NAV2: variants seen among roughly 807,000 people sequenced by gnomAD.
NAV2 encodes neuron navigator 2.
NAV2 carries 54 observed loss-of-function variants against 223.2 expected under a neutral mutation model. The observed-to-expected ratio is 0.24, with a 90% CI of 0.19 to 0.30. The LOEUF is 0.30. Among genes scored for constraint, NAV2 ranks in the 10% least tolerant of loss-of-function variants. The pLI is 1.00. For missense variants in NAV2, 2,806 were observed against 3,147.5 expected, an observed-to-expected ratio of 0.89 and a Z score of 2.60; for synonymous variants, 1,279 against 1,239.3, an observed-to-expected ratio of 1.03 and a Z score of -0.67.
chr11:19,463,899 G>A (rs889091045), intron 1 of NAV2, among the ~76,000 whole-genome samples: 12 of 152,082 alleles, frequency 7.9e-5, no homozygotes, highest in African/African-American at 2.7e-4. Flanking sequence ...CTGAAGTCAG[G>A]GGACCCTCAC....
chr11:19,493,600 C>T (rs975532893), intron 1 of NAV2, among the ~76,000 whole-genome samples: 1 of 152,146 alleles, frequency 6.6e-6, no homozygotes, highest in Non-Finnish European at 1.5e-5. Context: ...CATTTGTGAA[C>T]AGAAAGCACC....
intron 6 of NAV2, among the ~76,000 whole-genome samples, chr11:19,896,085 C>T (rs750964559): frequency 6.6e-6 from 1 of 152,118 alleles, no homozygotes; most frequent in Non-Finnish European, 1.5e-5. Context: ...TCACCGAAGC[C>T]TTCCTGTAAG....
At chr11:19,578,267 G>C (rs780930683) in intron 1 of NAV2, among the ~76,000 whole-genome samples, 4 of 152,258 alleles carry the variant, frequency 2.6e-5, no homozygotes, top group Non-Finnish European at 4.4e-5. Flanking sequence ...TGCTGCTGTA[G>C]CTGCTGTAAT....
chr11:19,571,776 G>A (rs142263633), intron 1 of NAV2, among the ~76,000 whole-genome samples: 238 of 152,120 alleles, frequency 1.6e-3, no homozygotes, highest in East Asian at 5.0e-3. Context: ...AAAAAGAAAC[G>A]TGTAGCTCAG....
At chr11:19,975,092 T>C (rs190060043) in intron 10 of NAV2, among the ~76,000 whole-genome samples, 10 of 152,338 alleles carry the variant, frequency 6.6e-5, no homozygotes, top group Non-Finnish European at 8.8e-5. Flanking sequence ...GTCTCTTGTG[T>C]GTTAGGATGT....
At chr11:19,871,591 T>C (rs528042281) in intron 4 of NAV2, among the ~76,000 whole-genome samples, 3 of 152,130 alleles carry the variant, frequency 2.0e-5, no homozygotes, top group Non-Finnish European at 4.4e-5. Flanking sequence ...CTGTGAGACT[T>C]GGCCAGATCT....
chr11:19,667,904 G>T lies in NAV2; in HGVS notation c.76-164580G>T, dbSNP rs541399722. Among the ~76,000 whole-genome samples the T allele has an allele frequency of 2.0e-5, 3 of 152,258 alleles. No homozygotes were observed. The East Asian group carries it at 5.8e-4, about 29-fold the overall frequency. On this transcript the variant is annotated intron_variant, in intron 1 of 37. Coordinates refer to the NAV2 transcript ENST00000360655. ...ACACCATTAAAGGGACTTAAAACCCGCAGTTACACATCTCAAGGTGTTTGT... is the reference window on the plus strand; with the variant it reads ...ACACCATTAAAGGGACTTAAAACCCTCAGTTACACATCTCAAGGTGTTTGT...
rs755233994 is a variant in NAV2 at position 20,044,992 on chromosome 11, C to G, written c.3224C>G (p.Ser1075Cys). ...GGAAAAACAGACGACGCAAAGGTGT[C>G]TGAGAAAGGAAGGCTTTCTCCTAAA... ...GTGKTDDAKV[S>C]EKGRLSPKAS... The change falls in exon 14 of 38, where the codon TCT (serine) becomes TGT (cysteine). Residue 1075 changes from serine to cysteine, a missense_variant. Around this residue, in one of 4 missense-constraint regions of NAV2, gnomAD observed 742 missense variants for 777.9 expected, o/e 0.95. Transcript: ENST00000349880. 1 of 1,612,416 alleles carries G rather than the reference C, an allele frequency of 6.2e-7. No individual in the cohort carries two copies. The highest frequency in any genetic ancestry group is 8.5e-7 in the Non-Finnish European group (1 of 1,179,492).
At chr11:20,068,506 A>G in intron 22 of NAV2, 108 bp downstream of exon 22, 2 of 821,908 alleles carry the variant, frequency 2.4e-6, no homozygotes, top group Non-Finnish European at 4.1e-6. Context: ...CACATTATAA[A>G]GAAAAAGACA....
chr11:19,821,007 A>G (rs2059340271), intron 1 of NAV2, among the ~76,000 whole-genome samples: 1 of 152,256 alleles, frequency 6.6e-6, no homozygotes, highest in Non-Finnish European at 1.5e-5. Flanking sequence ...TCACGCCTGT[A>G]ATCCCAGCAC....
chr11:19,737,005 G>C (rs1048842089), intron 1 of NAV2, among the ~76,000 whole-genome samples: 2 of 152,244 alleles, frequency 1.3e-5, no homozygotes, highest in Non-Finnish European at 2.9e-5. Context: ...AAGAACTGTA[G>C]TGCCAGCCAG....
chr11:19,398,740 G>C (rs4354671), intron 1 of NAV2, among the ~76,000 whole-genome samples: 57,130 of 151,988 alleles, frequency 0.38, 10,985 homozygotes, highest in East Asian at 0.53. Flanking sequence ...CCCATCATTT[G>C]GGATTAAAAA....
chr11:19,527,874 C>T (rs1005221187), intron 1 of NAV2, among the ~76,000 whole-genome samples: 2 of 151,758 alleles, frequency 1.3e-5, no homozygotes, highest in Admixed American at 1.3e-4. Flanking sequence ...CTACAGACCT[C>T]CCTGCCACTT....
At chr11:19,710,585 C>A (rs964966256), upstream of NAV2, among the ~76,000 whole-genome samples, 1 of 152,236 alleles carries the variant, frequency 6.6e-6, no homozygotes, top group African/African-American at 2.4e-5. Flanking sequence ...AGCTTTCAAA[C>A]AAGTTTCCAG....
intron 1 of NAV2, among the ~76,000 whole-genome samples, chr11:19,516,310 C>T (rs1470881598): frequency 2.0e-5 from 3 of 152,208 alleles, no homozygotes; most frequent in African/African-American, 7.2e-5. Flanking sequence ...TTGAGCCCCA[C>T]AATACCGAAT....
intron 1 of NAV2, among the ~76,000 whole-genome samples, chr11:19,486,197 GTAGCT>G (rs1454147250): frequency 2.0e-5 from 3 of 152,124 alleles, no homozygotes; most frequent in Admixed American, 6.5e-5. Context: ...TGGTAGCAGA[GTAGCT>G]GTGGGTGGAA....
chr11:19,429,821 C>T lies in NAV2; in HGVS notation c.75+78794C>T, dbSNP rs548531271. Among the ~76,000 whole-genome samples, 4 of 152,250 alleles carry T rather than the reference C, an allele frequency of 2.6e-5. No homozygotes were observed. In the South Asian group the frequency reaches 8.3e-4, roughly 32 times the overall value. ...ACCGTGCAACCAGTTTGCTGAGTGG[C>T]CTGAAGTCAGCAGGATTTCATCAGG... is the stretch of plus-strand genomic sequence containing the variant. On this transcript the variant is annotated intron_variant, in intron 1 of 37. Coordinates refer to the NAV2 transcript ENST00000360655.
chr11:19,955,326 G>A (rs973371434), intron 10 of NAV2, among the ~76,000 whole-genome samples: 3 of 151,996 alleles, frequency 2.0e-5, no homozygotes, highest in Admixed American at 2.0e-4. Context: ...GGAGGTTGAG[G>A]CTGCAGCGAG....
chr11:19,776,895 C>T (rs895762709), intron 1 of NAV2, among the ~76,000 whole-genome samples: 13 of 151,998 alleles, frequency 8.6e-5, no homozygotes, highest in African/African-American at 2.9e-4. Flanking sequence ...CCCGGCCTCA[C>T]CCCTACCCAT....
Sources: gnomAD v4.1 joint callset for allele counts (sites outside exome capture counted in the v4.1 genomes callset) on GRCh38, gnomAD v4.1.1 for gene constraint, gnomAD v4.1.1 regional missense constraint, MANE v1.5 for transcripts, NCBI Gene and HGNC (gene_info 2026-07-23, HGNC 2026-07-21) for gene names.